RASA1: variants seen among roughly 807,000 people sequenced by gnomAD.
The protein encoded by RASA1 is RAS p21 protein activator 1.
Under a neutral mutation model 132.2 loss-of-function variants are expected in RASA1, and 25 were observed. The ratio of observed to expected loss-of-function variants is 0.19; its 90% CI spans 0.14 to 0.26. The LOEUF (loss-of-function observed/expected upper bound fraction) is 0.26, where lower values mean the gene tolerates loss of function less well. RASA1 is among the 10% of genes least tolerant of loss of function. RASA1 has a pLI of 1.00. For synonymous variants in RASA1, 477 were observed against 449.9 expected (o/e 1.06, Z -0.76); for missense variants, 964 against 1,299.2 (o/e 0.74, Z 3.97).
At chr5:87,381,860 T>C (rs983612378) in intron 20 of RASA1, among the ~76,000 whole-genome samples, 6 of 152,214 alleles carry the variant, frequency 3.9e-5, no homozygotes, top group African/African-American at 1.4e-4. Context: ...AGGTTAGGTT[T>C]CAGGCTCATA....
chr5:87,341,315 GA>G lies in RASA1; in HGVS notation c.1048del (p.Ile350TyrfsTer16). On this transcript the variant is annotated frameshift_variant, in exon 6 of 25. Coordinates refer to ENST00000274376, the MANE Select transcript of RASA1 (RefSeq NM_002890.3). LOFTEE classifies it high-confidence loss of function. ...GGCCGGGAAGAAGATCCACATGAAG[GA>G]AAAATGTGAGTTTGTGTTAATTATT... ...EVGREEDPHE[G>X]KIWFHGKISK... 1.5e-6 allele frequency: 2 copies of G among 1,347,898 alleles called. No homozygotes were observed. Among genetic ancestry groups the G allele is most frequent in the Non-Finnish European group, 9.6e-7 (1 of 1,042,030 alleles). 83.5% of individuals were successfully genotyped at this position (1,347,898 alleles called of 1,614,324 possible).
chr5:87,305,982 G>T (rs557591010), intron 1 of RASA1, among the ~76,000 whole-genome samples: 30 of 152,334 alleles, frequency 2.0e-4, no homozygotes, highest in African/African-American at 7.2e-4. Flanking sequence ...TGCTGGCGAG[G>T]TTGTGGAGAA....
chr5:87,305,634 T>C (rs1755572115), intron 1 of RASA1, among the ~76,000 whole-genome samples: 1 of 152,092 alleles, frequency 6.6e-6, no homozygotes, highest in East Asian at 1.9e-4. Flanking sequence ...AATTGGCAAA[T>C]GGGATCCAGT....
rs1356494617 is a variant in RASA1 at position 87,376,652 on chromosome 5, T to C, written c.2184+87T>C. 4 of 1,474,768 alleles carry C rather than the reference T, an allele frequency of 2.7e-6. No homozygotes were observed. In the African/African-American group the frequency reaches 4.2e-5, roughly 16 times the overall value. 91.4% of individuals were successfully genotyped at this position (1,474,768 alleles called of 1,614,324 possible). The stretch of plus-strand genomic sequence containing the variant: ...AAAAGATCCATTAAGGTAAACATAG[T>C]AATTCATAGCTTAGTAGCACAATGA... On this transcript the variant is annotated intron_variant, in intron 16 of 24. Transcript: ENST00000274376.
chr5:87,338,208 G>T, intron 5 of RASA1, 117 bp downstream of exon 5: 1 of 1,495,464 alleles, frequency 6.7e-7, no homozygotes, highest in Non-Finnish European at 9.1e-7. Context: ...GAACTTAATT[G>T]ATAAGTACAA....
intron 1 of RASA1, among the ~76,000 whole-genome samples, chr5:87,285,816 G>C (rs542469999): frequency 6.6e-6 from 1 of 150,828 alleles, no homozygotes; most frequent in African/African-American, 2.4e-5. Context: ...ATGGGATTTC[G>C]CCATGTTGGC....
chr5:87,271,206 C>G (rs1580182389), intron 1 of RASA1, among the ~76,000 whole-genome samples: 2 of 152,020 alleles, frequency 1.3e-5, no homozygotes, highest in Non-Finnish European at 2.9e-5. Context: ...CCATTGCACT[C>G]CAGCCTGGGC....
At chr5:87,379,879 A>C in intron 19 of RASA1, 29 bp downstream of exon 19, 1 of 1,601,484 alleles carries the variant, frequency 6.2e-7, no homozygotes. Flanking sequence ...ATTTGACAAG[A>C]AATTGTGTAT....
chr5:87,322,060 G>T lies in RASA1; in HGVS notation c.540-9288G>T, dbSNP rs550816548. On this transcript the variant is annotated intron_variant, in intron 1 of 24. Transcript: ENST00000274376. ...TTTAATGAGACCTCCATTGTTGGAA[G>T]TGGGGTCTGGTGGGTGTTTGGATCA... Among the ~76,000 whole-genome samples, 18 of 152,296 alleles carry T rather than the reference G, an allele frequency of 1.2e-4. No individual in the cohort carries two copies. The East Asian group carries it at 1.7e-3, about 15-fold the overall frequency.
intron 1 of RASA1, among the ~76,000 whole-genome samples, chr5:87,316,211 T>C (rs1756323086): frequency 6.6e-6 from 1 of 152,222 alleles, no homozygotes; most frequent in Non-Finnish European, 1.5e-5. Flanking sequence ...TTCTGTTGCC[T>C]GTAATAGATG....
At chr5:87,357,620 G>C (rs1173173625) in intron 9 of RASA1, among the ~76,000 whole-genome samples, 1 of 152,028 alleles carries the variant, frequency 6.6e-6, no homozygotes, top group East Asian at 1.9e-4. Context: ...CAGGAGAATC[G>C]CTTGAACCTG....
intron 4 of RASA1, among the ~76,000 whole-genome samples, chr5:87,334,266 A>T (rs972808292): frequency 2.0e-5 from 3 of 152,192 alleles, no homozygotes; most frequent in African/African-American, 4.8e-5. Flanking sequence ...GTCTGAGGGC[A>T]GGAGAAGATG....
At chr5:87,335,796 A>C (rs1757935418) in intron 4 of RASA1, among the ~76,000 whole-genome samples, 1 of 152,144 alleles carries the variant, frequency 6.6e-6, no homozygotes, top group Non-Finnish European at 1.5e-5. Context: ...GTGAACTAAT[A>C]TTTTCTAAAA....
chr5:87,384,977 A>G (rs188454564), intron 21 of RASA1, among the ~76,000 whole-genome samples: 83 of 151,946 alleles, frequency 5.5e-4, no homozygotes, highest in Middle Eastern at 3.4e-3. Context: ...AGGAGTGACA[A>G]TCTTTTTTAG....
intron 5 of RASA1, among the ~76,000 whole-genome samples, chr5:87,339,558 C>T (rs1758288233): frequency 6.6e-6 from 1 of 151,992 alleles, no homozygotes; most frequent in Non-Finnish European, 1.5e-5. Flanking sequence ...TTCTTGAGCT[C>T]TTGGAATTCT....
intron 1 of RASA1, among the ~76,000 whole-genome samples, chr5:87,282,331 A>G (rs571779337): frequency 6.6e-6 from 1 of 152,332 alleles, no homozygotes; most frequent in African/African-American, 2.4e-5. Context: ...TAGTTTCACC[A>G]CAAATAAGAT....
At chr5:87,331,024 T>C in intron 1 of RASA1, 1 of 1,339,370 alleles carries the variant, frequency 7.5e-7, no homozygotes, top group Non-Finnish European at 9.8e-7. Context: ...CTTTTATTTT[T>C]CTAAGTAAAG....
At chr5:87,272,189 T>C (rs1311904699) in intron 1 of RASA1, among the ~76,000 whole-genome samples, 1 of 152,008 alleles carries the variant, frequency 6.6e-6, no homozygotes, top group Non-Finnish European at 1.5e-5. Context: ...TATGAAAAAT[T>C]GTGAGAAATT....
intron 7 of RASA1, among the ~76,000 whole-genome samples, chr5:87,347,671 T>G (rs1758959101): frequency 6.6e-6 from 1 of 152,016 alleles, no homozygotes; most frequent in African/African-American, 2.4e-5. Flanking sequence ...GTTTTTGAAG[T>G]ACTCAATTTT....
Sources: allele counts gnomAD v4.1 joint callset (sites outside exome capture counted in the v4.1 genomes callset), GRCh38; gene constraint gnomAD v4.1.1; transcripts MANE v1.5; gene names NCBI Gene and HGNC (gene_info 2026-07-23, HGNC 2026-07-21).